The following ZNF385C variants were observed in gnomAD, a reference collection of about 807,000 sequenced individuals.
The protein encoded by ZNF385C is zinc finger protein 385C.
ZNF385C carries 28 observed loss-of-function variants against 35.4 expected under a neutral mutation model. The ratio of observed to expected loss-of-function variants is 0.79; its 90% CI spans 0.59 to 1.08. ZNF385C has a LOEUF of 1.08. Among genes scored for constraint, ZNF385C ranks in the 50% least tolerant of loss-of-function variants. The probability of loss-of-function intolerance (pLI) is 0.00; values close to 1 mark genes in which losing one functional copy is unlikely to be tolerated. For synonymous variants in ZNF385C, 248 were observed against 248.2 expected, an observed-to-expected ratio of 1.00 and a Z score of 0.01; for missense variants, 605 against 595.6, an observed-to-expected ratio of 1.02 and a Z score of -0.16.
chr17:42,030,618 C>T (rs782445171), intron 5 of ZNF385C, among the ~76,000 whole-genome samples: 2 of 152,290 alleles, frequency 1.3e-5, no homozygotes, highest in Non-Finnish European at 2.9e-5. Flanking sequence ...TCGTATTTAC[C>T]ATCAGAGGGG....
At position 42,031,863 on chromosome 17, in the gene ZNF385C, G is replaced by A. The variant is rs144082847; in HGVS notation, c.511-79C>T. On this transcript the variant is annotated intron_variant, in intron 4 of 8. Transcript: ENST00000692273. ...ATCTGTGAACTGGAGCCCAGCAGGG[G>A]GACAGGTCAAAGGGAGGCAGGGCTC... 479 of 1,493,632 alleles carry A rather than the reference G, an allele frequency of 3.2e-4. 2 individuals carry two copies. The African/African-American group carries it at 5.7e-3, about 18-fold the overall frequency. The allele number at this position is 1,493,632 out of a possible 1,614,324, so 92.5% of individuals were successfully genotyped here. A position where few individuals can be genotyped will look rare whatever the true frequency, so the allele number is the denominator to read the frequency against.
At chr17:42,027,558 T>TC in intron 8 of ZNF385C, 60 bp downstream of exon 8, 1 of 204,814 alleles carries the variant, frequency 4.9e-6, no homozygotes, top group Non-Finnish European at 9.3e-6. Context: ...CATCTGGCCC[T>TC]CCCAGCCCAC....
intron 2 of ZNF385C, chr17:42,038,313 C>G: frequency 1.0e-5 from 5 of 482,026 alleles, no homozygotes; most frequent in South Asian, 2.8e-5. Context: ...GCCCCTCTCA[C>G]TCTCTAACTA....
At chr17:42,042,978 A>C in intron 2 of ZNF385C, 5 of 1,232,424 alleles carry the variant, frequency 4.1e-6, no homozygotes, top group Non-Finnish European at 5.1e-6. Context: ...AGTACACAGT[A>C]GTCAGCACAG....
chr17:42,043,059 C>T (rs2053063437), intron 2 of ZNF385C: 4 of 1,232,300 alleles, frequency 3.2e-6, no homozygotes, highest in Non-Finnish European at 4.0e-6. Flanking sequence ...CTGGGCAGGC[C>T]CCTCCACCTT....
intron 4 of ZNF385C, 31 bp from the exon 5 acceptor site, chr17:42,031,815 C>T (rs1555655033): frequency 1.9e-6 from 3 of 1,546,742 alleles, no homozygotes; most frequent in Non-Finnish European, 1.7e-6. Context: ...GGTCACCATT[C>T]ACTGGCTGAG....
At chr17:42,028,648 A>G in intron 6 of ZNF385C, 135 bp downstream of exon 6, 2 of 1,139,240 alleles carry the variant, frequency 1.8e-6, no homozygotes, top group Non-Finnish European at 2.4e-6. Context: ...ACGTCCGTTC[A>G]GTAACACACA....
At chr17:42,066,283 C>T (rs2053545403) in intron 1 of ZNF385C, among the ~76,000 whole-genome samples, 1 of 151,826 alleles carries the variant, frequency 6.6e-6, no homozygotes. Flanking sequence ...TGGTCTCGAT[C>T]TCTTGACTTC....
intron 2 of ZNF385C, chr17:42,038,209 C>G (rs1598182919): frequency 3.0e-6 from 2 of 668,470 alleles, no homozygotes; most frequent in East Asian, 5.6e-5. Context: ...GGCCCTGACA[C>G]ACACACCACC....
chr17:42,057,087 G>T (rs187802852), intron 2 of ZNF385C, among the ~76,000 whole-genome samples: 230 of 152,290 alleles, frequency 1.5e-3, no homozygotes, highest in Non-Finnish European at 2.7e-3. Flanking sequence ...AGTGAGCTAT[G>T]ATTGTGCCAG....
intron 1 of ZNF385C, among the ~76,000 whole-genome samples, chr17:42,066,530 T>G (rs183641879): frequency 2.9e-3 from 445 of 152,280 alleles, no homozygotes; most frequent in Non-Finnish European, 4.1e-3. Context: ...AGTGTAGCTG[T>G]GCCATAGTGT....
chr17:42,036,026 C>A (rs1379241139), intron 3 of ZNF385C, among the ~76,000 whole-genome samples: 1 of 151,940 alleles, frequency 6.6e-6, no homozygotes, highest in African/African-American at 2.4e-5. Flanking sequence ...GATGGAGTCT[C>A]CCTCTTGTCG....
At chr17:42,063,562 AAAAC>A (rs1202503377) in intron 1 of ZNF385C, among the ~76,000 whole-genome samples, 4 of 152,124 alleles carry the variant, frequency 2.6e-5, no homozygotes, top group African/African-American at 9.7e-5. Flanking sequence ...AACAAAAACA[AAAAC>A]AAAAAAACTT....
At chr17:42,041,293 T>G in intron 2 of ZNF385C, 2 of 987,424 alleles carry the variant, frequency 2.0e-6, no homozygotes, top group Non-Finnish European at 2.6e-6. Flanking sequence ...GGCCTTGAGG[T>G]TAGACAGACT....
intron 2 of ZNF385C, among the ~76,000 whole-genome samples, chr17:42,042,248 G>A (rs994986927): frequency 1.2e-4 from 19 of 152,064 alleles, no homozygotes; most frequent in African/African-American, 4.1e-4. Context: ...GAGGCCAGGC[G>A]CGGTTGCTTA....
chr17:42,038,168 C>CA, intron 2 of ZNF385C: 1 of 1,189,102 alleles, frequency 8.4e-7, no homozygotes, highest in Non-Finnish European at 1.2e-6. Context: ...CAGGGCAGCC[C>CA]AGCCAAGAGA....
In ZNF385C at chr17:42,028,218, A is replaced by T. The variant is rs1555654554; in HGVS notation, c.996T>A (p.Gly332=). The change falls in exon 7 of 9, where the codon GGT becomes GGA. Residue 332 remains glycine (G), a synonymous_variant. Transcript: ENST00000692273. ...TGAKHRWMME[G]QRGAPRRSRG... ...GGCTCCTCCGGGGAGCCCCTCGCTG[A>T]CCTTCCATCATCCACCGGTGCTTGG... 1 of 1,550,054 alleles carries T rather than the reference A, an allele frequency of 6.5e-7. No homozygotes were observed. Among genetic ancestry groups the T allele is most frequent in the Non-Finnish European group, 8.7e-7 (1 of 1,151,394 alleles).
chr17:42,085,500 G>A (rs1555660054), intron 1 of ZNF385C, among the ~76,000 whole-genome samples: 1 of 148,444 alleles, frequency 6.7e-6, no homozygotes. Context: ...TGCCCAGGTT[G>A]GTCTCAAATG....
intron 2 of ZNF385C, among the ~76,000 whole-genome samples, chr17:42,054,449 C>T (rs983552892): frequency 1.3e-5 from 2 of 152,206 alleles, no homozygotes; most frequent in Non-Finnish European, 2.9e-5. Flanking sequence ...TCAAAGAGCA[C>T]TGGCCATGCA....
Sources: allele counts gnomAD v4.1 joint callset (sites outside exome capture counted in the v4.1 genomes callset), GRCh38; gene constraint gnomAD v4.1.1; transcripts MANE v1.5; gene names NCBI Gene and HGNC (gene_info 2026-07-23, HGNC 2026-07-21).